CFTR: variants seen among roughly 807,000 people sequenced by gnomAD.
CFTR encodes the protein CF transmembrane conductance regulator.
Under a neutral mutation model 171.6 loss-of-function variants are expected in CFTR, and 181 were observed. The ratio of observed to expected loss-of-function variants is 1.05; its 90% CI spans 0.93 to 1.19. The LOEUF (loss-of-function observed/expected upper bound fraction) is 1.19, where lower values mean the gene tolerates loss of function less well. Ranked by LOEUF, CFTR falls within the 50% of genes most tolerant of loss-of-function variation. The pLI, the probability that CFTR is intolerant of heterozygous loss-of-function variation, is 0.00. For missense variants in CFTR, 1,968 were observed against 1,734.7 expected (o/e 1.13, Z -2.39); for synonymous variants, 583 against 608.0 (o/e 0.96, Z 0.60).
chr7:117,512,542 G>A (rs569238326), intron 3 of CFTR, among the ~76,000 whole-genome samples: 13 of 150,876 alleles, frequency 8.6e-5, no homozygotes, highest in African/African-American at 2.9e-4. Flanking sequence ...GCTGAGGCAG[G>A]AGAATAGCTT....
chr7:117,554,879 A>G (rs1305938881), intron 10 of CFTR, among the ~76,000 whole-genome samples: 1 of 152,204 alleles, frequency 6.6e-6, no homozygotes, highest in Non-Finnish European at 1.5e-5. Flanking sequence ...AGAGAAGGTC[A>G]AACTTGACCA....
chr7:117,566,248 A>AACACAC (rs71314621), intron 11 of CFTR, among the ~76,000 whole-genome samples: 10,856 of 138,806 alleles, frequency 0.078, 469 homozygotes, highest in African/African-American at 0.09. Context: ...AGCCTACTAA[A>AACACAC]ACACACACAC....
At chr7:117,518,505 T>A (rs963949245) in intron 3 of CFTR, among the ~76,000 whole-genome samples, 1 of 147,550 alleles carries the variant, frequency 6.8e-6, no homozygotes, top group African/African-American at 2.5e-5. Context: ...AGAGCAATAA[T>A]AGGTTAGAAA....
intron 15 of CFTR, among the ~76,000 whole-genome samples, chr7:117,599,592 A>C (rs1315377285): frequency 2.0e-5 from 3 of 152,154 alleles, no homozygotes; most frequent in Non-Finnish European, 4.4e-5. Flanking sequence ...GAAAAGAAAT[A>C]ATGTAATATA....
intron 9 of CFTR, among the ~76,000 whole-genome samples, chr7:117,546,640 AG>A (rs1392150948): frequency 6.6e-6 from 1 of 152,192 alleles, no homozygotes; most frequent in Non-Finnish European, 1.5e-5. Context: ...AAAAGTTATT[AG>A]TAACAACAGT....
At position 117,663,509 on chromosome 7, in the gene CFTR, T is replaced by TA. The variant is rs71148372; in HGVS notation, c.3964-1161dup. Among the ~76,000 whole-genome samples, 1,077 of 124,394 alleles carry TA rather than the reference T, an allele frequency of 8.7e-3. 5 individuals carry two copies. The highest frequency in any genetic ancestry group is 0.04 in the Middle Eastern group (9 of 226). 81.6% of individuals were successfully genotyped at this position (124,394 alleles called of 152,430 possible). On this transcript the variant is annotated intron_variant, in intron 24 of 26. Coordinates refer to ENST00000003084, the MANE Select transcript of CFTR (RefSeq NM_000492.4). ...TTTGCTTGTTTGTTTCTTGTCCAGC[T>TA]AAAAAAAAAAAAAAAAAACAAGCCA...
intron 11 of CFTR, among the ~76,000 whole-genome samples, chr7:117,565,335 C>G (rs1791584215): frequency 6.6e-6 from 1 of 152,080 alleles, no homozygotes; most frequent in South Asian, 2.1e-4. Context: ...GTTCTCTTGC[C>G]TTTTTAATTT....
chr7:117,511,733 G>T (rs1295608360), intron 3 of CFTR, among the ~76,000 whole-genome samples: 1 of 152,178 alleles, frequency 6.6e-6, no homozygotes, highest in Non-Finnish European at 1.5e-5. Context: ...TTTAAATAGT[G>T]AGAAATTTGC....
intron 7 of CFTR, among the ~76,000 whole-genome samples, chr7:117,538,824 A>G (rs1485206737): frequency 1.3e-5 from 2 of 152,204 alleles, no homozygotes; most frequent in Non-Finnish European, 2.9e-5. Context: ...CTTCAGTGTC[A>G]AGTTACTGAA....
At chr7:117,554,505 A>G (rs888468768) in intron 10 of CFTR, among the ~76,000 whole-genome samples, 3 of 152,142 alleles carry the variant, frequency 2.0e-5, no homozygotes, top group Non-Finnish European at 4.4e-5. Context: ...ACATCCAAAT[A>G]GAGATGTTAG....
At chr7:117,593,756 G>A (rs1056057878) in intron 14 of CFTR, among the ~76,000 whole-genome samples, 2 of 151,630 alleles carry the variant, frequency 1.3e-5, no homozygotes, top group South Asian at 2.1e-4. Context: ...CCACCATGCC[G>A]AGCTAATTTT....
At chr7:117,659,057 A>G (rs892445003) in intron 24 of CFTR, among the ~76,000 whole-genome samples, 1 of 151,994 alleles carries the variant, frequency 6.6e-6, no homozygotes, top group African/African-American at 2.4e-5. Context: ...CCCATGATTC[A>G]GTTATACTGA....
Position 117,642,541 on chromosome 7 carries a change from G to C in CFTR, c.3821G>C (p.Trp1274Ser). 1 of 1,613,590 alleles carries C rather than the reference G, an allele frequency of 6.2e-7. No individual in the cohort carries two copies. Among genetic ancestry groups the C allele is most frequent in the East Asian group, 2.2e-5 (1 of 44,804 alleles). The change falls in exon 23 of 27, where the codon TGG (tryptophan) becomes TCG (serine). Residue 1274 changes from tryptophan (W) to serine (S), a missense_variant. Transcript: ENST00000003084. ...GAAATCCAGATCGATGGTGTGTCTT[G>C]GGATTCAATAACTTTGCAACAGTGG... ...EGEIQIDGVSWDSITLQQWRK... is the reference protein window; with the variant it reads ...EGEIQIDGVSSDSITLQQWRK...
At chr7:117,504,206 T>G in intron 1 of CFTR, 47 bp from the exon 2 acceptor site, 3 of 1,109,656 alleles carry the variant, frequency 2.7e-6, no homozygotes, top group Non-Finnish European at 2.8e-6. Context: ...CAAATCTGTA[T>G]GGAGACCAAA....
chr7:117,639,705 T>C (rs1238694901), intron 22 of CFTR, among the ~76,000 whole-genome samples: 2 of 152,212 alleles, frequency 1.3e-5, no homozygotes, highest in Non-Finnish European at 2.9e-5. Flanking sequence ...TTGTTTGCTT[T>C]GTTAAACACA....
chr7:117,571,697 T>C (rs769680950), intron 11 of CFTR, among the ~76,000 whole-genome samples: 18 of 152,204 alleles, frequency 1.2e-4, no homozygotes, highest in Non-Finnish European at 2.2e-4. Flanking sequence ...AGCCATTCTT[T>C]TAAAAATGCT....
At position 117,592,381 on chromosome 7, in the gene CFTR, AG is replaced by A. The variant is rs397508353; in HGVS notation, c.2215del (p.Val739TyrfsTer16). On this transcript the variant is annotated frameshift_variant, in exon 14 of 27. Transcript: ENST00000003084. LOFTEE classifies it high-confidence loss of function. ...AGCCTTTAGAGAGAAGGCTGTCCTT[AG>A]TACCAGATTCTGAGCAGGGAGAGGC... is the stretch of plus-strand genomic sequence containing the variant. ...DEPLERRLSL[V>X]PDSEQGEAIL... The A allele has an allele frequency of 1.9e-6, 3 of 1,614,188 alleles. No individual in the cohort carries two copies. The highest frequency in any genetic ancestry group is 1.1e-5 in the South Asian group (1 of 91,080).
intron 8 of CFTR, among the ~76,000 whole-genome samples, chr7:117,540,887 C>A (rs1003332076): frequency 3.3e-5 from 5 of 152,106 alleles, no homozygotes; most frequent in African/African-American, 1.2e-4. Flanking sequence ...TTTAACCTTT[C>A]ATTTAAAAAA....
At chr7:117,535,945 GT>G (rs2116677663) in intron 6 of CFTR, among the ~76,000 whole-genome samples, 1 of 152,188 alleles carries the variant, frequency 6.6e-6, no homozygotes, top group East Asian at 1.9e-4. Context: ...GTTCATTTTT[GT>G]AGATTATAAA....
Sources: allele counts gnomAD v4.1 joint callset (sites outside exome capture counted in the v4.1 genomes callset), GRCh38; gene constraint gnomAD v4.1.1; transcripts MANE v1.5; gene names NCBI Gene and HGNC (gene_info 2026-07-23, HGNC 2026-07-21).